The following C19orf67 variants were observed in gnomAD, a reference collection of about 807,000 sequenced individuals.
C19orf67 encodes chromosome 19 open reading frame 67.
Under a neutral mutation model 41.4 loss-of-function variants are expected in C19orf67, and 28 were observed. The ratio of observed to expected loss-of-function variants is 0.68; its 90% CI spans 0.50 to 0.93. C19orf67 has a LOEUF of 0.93. C19orf67 is among the 40% of genes least tolerant of loss of function. The pLI, the probability that C19orf67 is intolerant of heterozygous loss-of-function variation, is 0.00. For missense variants in C19orf67, 421 were observed against 467.0 expected (o/e 0.90, Z 0.91); for synonymous variants, 242 against 203.4 (o/e 1.19, Z -1.62).
Position 14,085,564 on chromosome 19 carries a change from C to T in C19orf67, c.64G>A (p.Asp22Asn). The T allele has an allele frequency of 6.5e-7, 1 of 1,535,316 alleles. No homozygotes were observed. Among genetic ancestry groups the T allele is most frequent in the South Asian group, 1.2e-5 (1 of 84,056 alleles). ...PLDPGETPPP[D>N]ALEPGTPPCG... Reference sequence around the variant, plus strand: ...GGCGGCGTCCCAGGTTCCAAGGCGTCTGGAGGCGGTGTTTCTCCAGGGTCC... The same window carrying T: ...GGCGGCGTCCCAGGTTCCAAGGCGTTTGGAGGCGGTGTTTCTCCAGGGTCC... Residue 22 changes from aspartate (D) to asparagine (N), a missense_variant, in exon 1 of 6, where the codon GAC becomes AAC. Asp to Asn is a conservative substitution (Grantham distance 23). Around this residue, in one of 3 missense-constraint regions of C19orf67, gnomAD observed 160 missense variants for 139.2 expected, o/e 1.15. Coordinates refer to ENST00000548523, the MANE Select transcript of C19orf67 (RefSeq NM_001277378.2).
In C19orf67 at chr19:14,083,761, C is replaced by T. The variant is rs1379367537; in HGVS notation, c.452G>A (p.Gly151Glu). Residue 151 changes from glycine to glutamate, a missense_variant, in exon 2 of 6, where the codon GGA becomes GAA. Physicochemically the swap from Gly to Glu is moderately conservative, Grantham distance 98 (BLOSUM62 -2). Coordinates refer to ENST00000548523, the MANE Select transcript of C19orf67 (RefSeq NM_001277378.2). ...CTTTCGGACCAGCTCCTGCAGGGGT[C>T]CATAGATGGGGGGTATGCTTCTCGC... is the stretch of plus-strand genomic sequence containing the variant. ...AAARSIPPIY[G>E]PLQELVRKGL... 4.2e-6 allele frequency: 6 copies of T among 1,436,486 alleles called. No homozygotes were observed. Among genetic ancestry groups the T allele is most frequent in the Non-Finnish European group, 5.5e-6 (6 of 1,096,684 alleles). 89.0% of individuals were successfully genotyped at this position (1,436,486 alleles called of 1,614,324 possible).
intron 1 of C19orf67, 21 bp downstream of exon 1, chr19:14,085,272 T>C (rs1976835262): frequency 2.0e-6 from 3 of 1,533,546 alleles, no homozygotes; most frequent in East Asian, 2.4e-5. Context: ...CATGGGGACC[T>C]GGGACCCTGT....
Position 14,085,758 on chromosome 19 carries a change from C to A in C19orf67, c.-131G>T, listed in dbSNP as rs1230227100. 4.5e-6 allele frequency: 3 copies of A among 665,720 alleles called. No homozygotes were observed. The highest frequency in any genetic ancestry group is 7.6e-6 in the Non-Finnish European group (3 of 394,850). 41.2% of individuals were successfully genotyped at this position (665,720 alleles called of 1,614,324 possible). On this transcript the variant is annotated 5_prime_UTR_variant, in exon 1 of 6. Transcript: ENST00000548523. ...GACCTCTCCACCGGAGCCGCGCCGCCGCGCCGGGGGCCGTTCGCCTCTTTT... is the reference window on the plus strand; with the variant it reads ...GACCTCTCCACCGGAGCCGCGCCGCAGCGCCGGGGGCCGTTCGCCTCTTTT...
Position 14,081,787 on chromosome 19 carries a change from T to C in C19orf67, c.*47A>G. 7.1e-7 allele frequency: 1 copy of C among 1,418,352 alleles called. No homozygotes were observed. The highest frequency in any genetic ancestry group is 9.3e-7 in the Non-Finnish European group (1 of 1,075,754). 87.9% of individuals were successfully genotyped at this position (1,418,352 alleles called of 1,614,324 possible). ...TGAGCCCCTCCCCTGCCCCCTATTC[T>C]GGAGTTTGGAACTGTCAAGTTCCAG... On this transcript the variant is annotated 3_prime_UTR_variant, in exon 6 of 6. Coordinates refer to ENST00000548523, the MANE Select transcript of C19orf67 (RefSeq NM_001277378.2).
chr19:14,082,398 G>A, intron 5 of C19orf67, 71 bp downstream of exon 5: 2 of 1,445,868 alleles, frequency 1.4e-6, no homozygotes, highest in Non-Finnish European at 1.8e-6. Flanking sequence ...TGGGAAGGTG[G>A]ATTGTCTTTG....
chr19:14,085,296 T>G lies in C19orf67; in HGVS notation c.332A>C (p.Tyr111Ser). 18 of 1,535,652 alleles carry G rather than the reference T, an allele frequency of 1.2e-5. No individual in the cohort carries two copies. Among genetic ancestry groups the G allele is most frequent in the Non-Finnish European group, 1.6e-5 (18 of 1,146,396 alleles). The change falls in exon 1 of 6, where the codon TAC becomes TCC. Residue 111 changes from tyrosine to serine, a missense_variant. By Grantham distance (144) the Tyr-to-Ser change is moderately radical. Coordinates refer to ENST00000548523, the MANE Select transcript of C19orf67 (RefSeq NM_001277378.2). ...KADDFQSYLL[Y>S]SRDQVQKEQL... ...CTGGGACCCTGTCCAGCATCACCTG[T>G]AGAGCAAGTAGCTCTGGAAATCATC...
rs953718393 is a variant in C19orf67, at chr19:14,083,595, A to T, written c.491T>A (p.Ile164Asn). Reference protein sequence around the residue: ...QELVRKGLLEISQQLTLRLEQ... With the variant: ...QELVRKGLLENSQQLTLRLEQ... ...CAGGCGCAGGGTCAGCTGTTGGGAG[A>T]TCTCTAACAGCTGCATACAAGAGGG... Residue 164 changes from isoleucine to asparagine, a missense_variant, in exon 3 of 6, where the codon ATC becomes AAC. Coordinates refer to ENST00000548523, the MANE Select transcript of C19orf67 (RefSeq NM_001277378.2). 6.5e-7 allele frequency: 1 copy of T among 1,535,766 alleles called. No homozygotes were observed. Among genetic ancestry groups the T allele is most frequent in the African/African-American group, 1.4e-5 (1 of 73,060 alleles).
chr19:14,084,666 A>G, intron 1 of C19orf67, among the ~76,000 whole-genome samples: 1 of 152,190 alleles, frequency 6.6e-6, no homozygotes, highest in East Asian at 1.9e-4. Flanking sequence ...CTCTGTCTCT[A>G]CTAAGAAAAG....
rs747907854 is a variant in C19orf67, at chr19:14,085,362, C to G, written c.266G>C (p.Ser89Thr). ...PPRLSLDTLF[S>T]PITQQLRYLL... Reference sequence around the variant, plus strand: ...GTAGCGCAGCTGTTGGGTGATGGGGCTGAACAAAGTGTCCAGGGATAGGCG... The same window carrying G: ...GTAGCGCAGCTGTTGGGTGATGGGGGTGAACAAAGTGTCCAGGGATAGGCG... Residue 89 changes from serine to threonine, a missense_variant, in exon 1 of 6, where the codon AGC becomes ACC. By Grantham distance (58) the Ser-to-Thr change is moderately conservative. This residue lies in a region of C19orf67 where 160 missense variants were observed against 139.2 expected (regional missense o/e 1.15). Coordinates refer to ENST00000548523, the MANE Select transcript of C19orf67 (RefSeq NM_001277378.2). 106 of 1,536,082 alleles carry G rather than the reference C, an allele frequency of 6.9e-5. No individual in the cohort carries two copies. The highest frequency in any genetic ancestry group is 8.6e-5 in the Non-Finnish European group (99 of 1,146,934).
Position 14,085,747 on chromosome 19 carries a change from A to G in C19orf67, c.-120T>C, listed in dbSNP as rs886566728. The G allele has an allele frequency of 1.9e-4, 133 of 715,712 alleles. No homozygotes were observed. The highest frequency in any genetic ancestry group is 1.5e-3 in the African/African-American group (86 of 55,754). The allele number at this position is 715,712 out of a possible 1,614,324, so 44.3% of individuals were successfully genotyped here. ...GCCCCTGCCTTGACCTCTCCACCGG[A>G]GCCGCGCCGCCGCGCCGGGGGCCGT... On this transcript the variant is annotated 5_prime_UTR_variant, in exon 1 of 6. Coordinates refer to ENST00000548523, the MANE Select transcript of C19orf67 (RefSeq NM_001277378.2).
Position 14,083,244 on chromosome 19 carries a change from CA to C in C19orf67, c.759del (p.Val254TrpfsTer38). The C allele has an allele frequency of 6.5e-7, 1 of 1,535,946 alleles. No individual in the cohort carries two copies. The highest frequency in any genetic ancestry group is 8.7e-7 in the Non-Finnish European group (1 of 1,146,852). ...PEAPGRGQDS[L>X]VDYYFLCYRD... is the part of the protein sequence containing the mutation. ...TTGGGTAAGAGGACTTACTAATCCACAAGGGAATCTTGTCCCCGACCAGGGG... is the reference window on the plus strand; with the variant it reads ...TTGGGTAAGAGGACTTACTAATCCACAGGGAATCTTGTCCCCGACCAGGGG... On this transcript the variant is annotated frameshift_variant, in exon 4 of 6. Coordinates refer to ENST00000548523, the MANE Select transcript of C19orf67 (RefSeq NM_001277378.2). LOFTEE classifies it high-confidence loss of function.
At chr19:14,083,931 C>T (rs1019236630) in intron 1 of C19orf67, 54 bp from the exon 2 acceptor site, 11 of 1,280,544 alleles carry the variant, frequency 8.6e-6, no homozygotes, top group African/African-American at 3.0e-5. Context: ...CTCCCCACCC[C>T]GCAGTTTTCC....
intron 1 of C19orf67, 150 bp downstream of exon 1, chr19:14,085,143 A>C: frequency 1.5e-6 from 1 of 650,102 alleles, no homozygotes; most frequent in Non-Finnish European, 2.7e-6. Context: ...TCATTCTCTT[A>C]AACTGGATTC....
At position 14,081,637 on chromosome 19, in the gene C19orf67, T is replaced by A. The variant is rs1351124815; in HGVS notation, c.*197A>T. On this transcript the variant is annotated 3_prime_UTR_variant, in exon 6 of 6. Coordinates refer to ENST00000548523, the MANE Select transcript of C19orf67 (RefSeq NM_001277378.2). The stretch of plus-strand genomic sequence containing the variant: ...GCTGAGCCTGTGACCTCTTTCTTTC[T>A]TTTATTTAACACAAAACTGACGTGT... 1 of 432,806 alleles carries A rather than the reference T, an allele frequency of 2.3e-6. No homozygotes were observed. The highest frequency in any genetic ancestry group is 4.0e-6 in the Non-Finnish European group (1 of 247,666). The allele number at this position is 432,806 out of a possible 1,614,324, so 26.8% of individuals were successfully genotyped here.
chr19:14,082,966 TC>T (rs1976792579), intron 4 of C19orf67, among the ~76,000 whole-genome samples: 1 of 152,008 alleles, frequency 6.6e-6, no homozygotes, highest in African/African-American at 2.4e-5. Context: ...TGCCTAAGCC[TC>T]CCAAGTAGCT....
Position 14,085,493 on chromosome 19 carries a change from G to A in C19orf67, c.135C>T (p.Asn45=), listed in dbSNP as rs1335737547. The A allele has an allele frequency of 6.5e-7, 1 of 1,535,514 alleles. No individual in the cohort carries two copies. The highest frequency in any genetic ancestry group is 2.0e-5 in the Admixed American group (1 of 50,978). The change falls in exon 1 of 6, where the codon AAC becomes AAT. Residue 45 remains asparagine (N), a synonymous_variant. Transcript: ENST00000548523. Reference sequence around the variant, plus strand: ...CATCTTCAGGATCCGGCTCAGATGGGTTCCCAGGCCTGCCAGGGGGCGTCG... The same window carrying A: ...CATCTTCAGGATCCGGCTCAGATGGATTCCCAGGCCTGCCAGGGGGCGTCG... The part of the protein sequence containing the change: ...SRSTPPGRPG[N]PSEPDPEDAE...
chr19:14,082,431 AG>A (rs933872114), intron 5 of C19orf67, 37 bp downstream of exon 5: 2 of 1,503,224 alleles, frequency 1.3e-6, no homozygotes, highest in African/African-American at 2.8e-5. Flanking sequence ...CTCCCCCTCC[AG>A]CTCCCAGGCC....
chr19:14,083,929 C>T, intron 1 of C19orf67, 52 bp from the exon 2 acceptor site: 3 of 1,281,522 alleles, frequency 2.3e-6, no homozygotes, highest in Middle Eastern at 2.5e-4. Flanking sequence ...CCCTCCCCAC[C>T]CCGCAGTTTT....
rs118147845 is a variant in C19orf67 at position 14,083,686 on chromosome 19, G to A, written c.480+47C>T. 2.9e-5 allele frequency: 44 copies of A among 1,508,154 alleles called. No individual in the cohort carries two copies. In the East Asian group the frequency reaches 1.1e-3, roughly 37 times the overall value. 93.4% of individuals were successfully genotyped at this position (1,508,154 alleles called of 1,614,324 possible). On this transcript the variant is annotated intron_variant, in intron 2 of 5. Transcript: ENST00000548523. ...CCCCTCCACCATCCCCACAGGCTCAGAGCTGCGAGAAGAAAGGGGCGTGGG... is the reference window on the plus strand; with the variant it reads ...CCCCTCCACCATCCCCACAGGCTCAAAGCTGCGAGAAGAAAGGGGCGTGGG...
Sources: allele counts gnomAD v4.1 joint callset (sites outside exome capture counted in the v4.1 genomes callset), GRCh38; gene constraint gnomAD v4.1.1; regional missense constraint gnomAD v4.1.1; transcripts MANE v1.5; gene names NCBI Gene and HGNC (gene_info 2026-07-23, HGNC 2026-07-21).